HOOK3: variants seen among roughly 807,000 people sequenced by gnomAD.
HOOK3 encodes protein Hook homolog 3.
Under a neutral mutation model 116.3 loss-of-function variants are expected in HOOK3, and 24 were observed. The observed-to-expected ratio is 0.21, with a 90% CI of 0.15 to 0.29. HOOK3 has a LOEUF of 0.29. Ranked by LOEUF, HOOK3 falls within the 10% of genes least tolerant of loss-of-function variation. The pLI, the probability that HOOK3 is intolerant of heterozygous loss-of-function variation, is 1.00. For synonymous variants in HOOK3, 275 were observed against 283.0 expected, an observed-to-expected ratio of 0.97 and a Z score of 0.28; for missense variants, 632 against 830.2, an observed-to-expected ratio of 0.76 and a Z score of 2.93.
intron 4 of HOOK3, among the ~76,000 whole-genome samples, chr8:42,930,791 A>G (rs1807858289): frequency 6.6e-6 from 1 of 152,166 alleles, no homozygotes; most frequent in Non-Finnish European, 1.5e-5. Flanking sequence ...CCCAGAACCT[A>G]GAAAGCCTCC....
intron 21 of HOOK3, among the ~76,000 whole-genome samples, chr8:43,016,054 A>G (rs960052274): frequency 1.3e-5 from 2 of 150,714 alleles, no homozygotes; most frequent in Non-Finnish European, 3.0e-5. Context: ...ATGACTTCAC[A>G]TATTTTGTTT....
At chr8:42,966,394 A>C (rs1250187879) in intron 9 of HOOK3, 79 bp from the exon 10 acceptor site, 1 of 1,445,090 alleles carries the variant, frequency 6.9e-7, no homozygotes, top group Non-Finnish European at 9.5e-7. Flanking sequence ...CTCATGCTTT[A>C]TATCTTTCTT....
intron 4 of HOOK3, among the ~76,000 whole-genome samples, chr8:42,942,911 T>C (rs1321511644): frequency 6.6e-6 from 1 of 152,106 alleles, no homozygotes; most frequent in East Asian, 1.9e-4. Flanking sequence ...GTTTTGGGAA[T>C]CAAGTGGGAA....
chr8:42,916,611 C>A (rs1052394697), intron 2 of HOOK3, among the ~76,000 whole-genome samples: 1 of 152,238 alleles, frequency 6.6e-6, no homozygotes, highest in Non-Finnish European at 1.5e-5. Context: ...CTTGAAAGTG[C>A]TTGCTGTTGA....
chr8:42,998,897 T>C (rs1454144795), intron 16 of HOOK3, among the ~76,000 whole-genome samples: 3 of 152,232 alleles, frequency 2.0e-5, no homozygotes, highest in Non-Finnish European at 4.4e-5. Flanking sequence ...ATTGAAATAT[T>C]ATTAAGCCTA....
At chr8:42,991,933 A>AG (rs1421782063) in intron 15 of HOOK3, among the ~76,000 whole-genome samples, 2 of 152,128 alleles carry the variant, frequency 1.3e-5, no homozygotes, top group African/African-American at 4.8e-5. Flanking sequence ...TGAACATAGA[A>AG]TATCTTTCCA....
intron 16 of HOOK3, among the ~76,000 whole-genome samples, chr8:42,998,532 G>A (rs1471118294): frequency 3.3e-5 from 5 of 151,988 alleles, no homozygotes; most frequent in Non-Finnish European, 5.9e-5. Context: ...ATTCCATTTC[G>A]CCTTATTAAC....
chr8:42,901,988 G>T (rs1474450771), intron 1 of HOOK3, among the ~76,000 whole-genome samples: 1 of 152,178 alleles, frequency 6.6e-6, no homozygotes, highest in African/African-American at 2.4e-5. Context: ...GATTACAGGC[G>T]TGAGCCACCG....
At chr8:42,925,073 T>G (rs530914700) in intron 2 of HOOK3, among the ~76,000 whole-genome samples, 2 of 152,250 alleles carry the variant, frequency 1.3e-5, no homozygotes, top group East Asian at 1.9e-4. Context: ...TGACTGTTTT[T>G]TTGTTGTTGT....
chr8:43,011,901 A>T (rs1809619313), intron 19 of HOOK3, among the ~76,000 whole-genome samples: 1 of 152,060 alleles, frequency 6.6e-6, no homozygotes, highest in Non-Finnish European at 1.5e-5. Context: ...AAAACTAAAT[A>T]AAAATATTGG....
chr8:42,951,455 AAAGC>A (rs1808344192), intron 6 of HOOK3, among the ~76,000 whole-genome samples: 1 of 152,210 alleles, frequency 6.6e-6, no homozygotes, highest in African/African-American at 2.4e-5. Context: ...AGCCATTCCC[AAAGC>A]AATTTCTAGA....
Position 42,995,857 on chromosome 8 carries a change from AT to A in HOOK3, c.1533-1690del, listed in dbSNP as rs1809254118. On this transcript the variant is annotated intron_variant, in intron 15 of 21. Coordinates refer to ENST00000307602, the MANE Select transcript of HOOK3 (RefSeq NM_032410.4). ...TCTATTTCCTCCTCTGTCCCTTTCT[AT>A]TTCAGGCATATTTAGTAATAATAAT... Among the ~76,000 whole-genome samples the A allele has an allele frequency of 2.6e-5, 4 of 151,758 alleles. No individual in the cohort carries two copies. The South Asian group carries it at 6.3e-4, about 24-fold the overall frequency.
In HOOK3 at chr8:42,927,647, C is replaced by T. The variant is rs145078674; in HGVS notation, c.216+2018C>T. Among the ~76,000 whole-genome samples the T allele has an allele frequency of 1.7e-3, 262 of 152,210 alleles. 1 individual carries two copies. The highest frequency in any genetic ancestry group is 6.1e-3 in the African/African-American group (255 of 41,516). On this transcript the variant is annotated intron_variant, in intron 3 of 21. Transcript: ENST00000307602. ...TTTGAGACAGGGTCTCACTCTCACC[C>T]AGGATAGAGTATAGTGGCACAGTCT... is the stretch of plus-strand genomic sequence containing the variant.
At chr8:43,006,854 GC>G (rs1411632789) in intron 17 of HOOK3, among the ~76,000 whole-genome samples, 2 of 151,642 alleles carry the variant, frequency 1.3e-5, no homozygotes, top group South Asian at 2.1e-4. Flanking sequence ...CATTTTTGCA[GC>G]CTTTTTTCCT....
Position 42,929,997 on chromosome 8 carries a change from TTTTA to T in HOOK3, c.217-121_217-118del, listed in dbSNP as rs371069804. 1.9e-5 allele frequency: 16 copies of T among 821,798 alleles called. 1 individual carries two copies. Among genetic ancestry groups the T allele is most frequent in the African/African-American group, 5.4e-5 (3 of 55,434 alleles). The allele number at this position is 821,798 out of a possible 1,614,324, so 50.9% of individuals were successfully genotyped here. Reference sequence around the variant, plus strand: ...ATGATAATTCAAATATGCTTTTGAATTTTATTTGTTAATATTTACTTTATGATTA... The same window carrying T: ...ATGATAATTCAAATATGCTTTTGAATTTTGTTAATATTTACTTTATGATTA... On this transcript the variant is annotated intron_variant, in intron 3 of 21. Transcript: ENST00000307602.
intron 15 of HOOK3, among the ~76,000 whole-genome samples, chr8:42,992,485 A>T (rs1480068421): frequency 3.4e-5 from 5 of 148,780 alleles, no homozygotes; most frequent in African/African-American, 1.2e-4. Context: ...TGGGAGGCTG[A>T]GGCGGGCGGA....
intron 2 of HOOK3, among the ~76,000 whole-genome samples, chr8:42,919,190 G>C (rs1807595822): frequency 6.6e-6 from 1 of 150,984 alleles, no homozygotes; most frequent in African/African-American, 2.4e-5. Context: ...TCACAGACGG[G>C]CGGCTGCTGG....
intron 13 of HOOK3, among the ~76,000 whole-genome samples, chr8:42,976,038 A>ATGTGTGTGTG (rs1386325481): frequency 7.2e-6 from 1 of 139,312 alleles, no homozygotes; most frequent in Admixed American, 7.0e-5. Context: ...GTGTATATAT[A>ATGTGTGTGTG]TATGTGTGTG....
At chr8:42,916,795 C>T (rs1807542317) in intron 2 of HOOK3, among the ~76,000 whole-genome samples, 1 of 152,152 alleles carries the variant, frequency 6.6e-6, no homozygotes, top group South Asian at 2.1e-4. Flanking sequence ...TTTCTGAAAC[C>T]TTTAAATACA....
Sources: gnomAD v4.1 joint callset for allele counts (sites outside exome capture counted in the v4.1 genomes callset) on GRCh38, gnomAD v4.1.1 for gene constraint, MANE v1.5 for transcripts, NCBI Gene and HGNC (gene_info 2026-07-23, HGNC 2026-07-21) for gene names.